The following SPATA32 variants were observed in gnomAD, a reference collection of about 807,000 sequenced individuals.
SPATA32 encodes spermatogenesis-associated protein 32.
In SPATA32, 28 loss-of-function variants were observed where a neutral mutation model predicts 35.4. That is an observed-to-expected ratio of 0.79 (90% confidence interval 0.59 to 1.09). The LOEUF is 1.09. Among genes scored for constraint, SPATA32 ranks in the 50% least tolerant of loss-of-function variants. The probability of loss-of-function intolerance (pLI) is 0.00; values close to 1 mark genes in which losing one functional copy is unlikely to be tolerated. For synonymous variants in SPATA32, 168 were observed against 196.3 expected, an observed-to-expected ratio of 0.86 and a Z score of 1.20; for missense variants, 409 against 475.9, an observed-to-expected ratio of 0.86 and a Z score of 1.31.
rs768143389 is a variant in SPATA32, at chr17:45,255,526, G to C, written c.656C>G (p.Thr219Arg). 1 of 1,614,150 alleles carries C rather than the reference G, an allele frequency of 6.2e-7. No individual in the cohort carries two copies. Among genetic ancestry groups the C allele is most frequent in the South Asian group, 1.1e-5 (1 of 91,086 alleles). Residue 219 changes from threonine to arginine, a missense_variant, in exon 4 of 5, where the codon ACA (threonine) becomes AGA (arginine). By Grantham distance (71) the Thr-to-Arg change is moderately conservative. Transcript: ENST00000331780. This position sits in a 1 kb window ranked among gnomAD's most constrained non-coding sequence, Gnocchi z 5.4. Reference protein sequence around the residue: ...IPDAHSAPPTTSSQAPSPLLS... With the variant: ...IPDAHSAPPTRSSQAPSPLLS... ...GAGGGGGCTTGGTGCCTGGGAGCTT[G>C]TGGTTGGAGGAGCTGAGTGGGCATC... is the stretch of plus-strand genomic sequence containing the variant.
Position 45,255,494 on chromosome 17 carries a change from A to G in SPATA32, c.688T>C (p.Ser230Pro). The change falls in exon 4 of 5, where the codon TCA becomes CCA. Residue 230 changes from serine (S) to proline (P), a missense_variant. Coordinates refer to ENST00000331780, the MANE Select transcript of SPATA32 (RefSeq NM_152343.3). The surrounding 1 kb of genome is among the most constrained non-coding windows in gnomAD (Gnocchi z 5.4). ...SSQAPSPLLS[S>P]DLPPPIDLTE... is the part of the protein sequence containing the mutation. The stretch of plus-strand genomic sequence containing the variant: ...AGGTCAATGGGTGGCGGGAGATCTG[A>G]GGACAGGAGGGGGCTTGGTGCCTGG... 6.2e-7 allele frequency: 1 copy of G among 1,614,104 alleles called. No homozygotes were observed. The highest frequency in any genetic ancestry group is 8.5e-7 in the Non-Finnish European group (1 of 1,180,008).
At chr17:45,260,359 G>A (rs759719581) in intron 1 of SPATA32, among the ~76,000 whole-genome samples, 26 of 151,776 alleles carry the variant, frequency 1.7e-4, no homozygotes, top group Non-Finnish European at 2.9e-4. Flanking sequence ...CACTCTCCTC[G>A]CCCTATTCAT....
In SPATA32 at chr17:45,257,124, G is replaced by A. The variant is rs753118865; in HGVS notation, c.68+29C>T. The A allele has an allele frequency of 9.9e-6, 16 of 1,609,768 alleles. No homozygotes were observed. In the Admixed American group the frequency reaches 2.7e-4, roughly 27 times the overall value. The stretch of plus-strand genomic sequence containing the variant: ...GGAGGTCCTGGAGGGCTCGGGGGAG[G>A]CCCTACGTTGATTGAGGATGGTTCT... On this transcript the variant is annotated intron_variant, in intron 2 of 4. Transcript: ENST00000331780.
intron 1 of SPATA32, among the ~76,000 whole-genome samples, chr17:45,260,383 A>T (rs977056623): frequency 1.3e-5 from 2 of 151,312 alleles, no homozygotes; most frequent in Admixed American, 6.6e-5. Context: ...TCATCCTTTC[A>T]CCCAAATGAG....
At chr17:45,261,923 C>T (rs748405979) in intron 1 of SPATA32, 81 bp downstream of exon 1, 172 of 1,263,226 alleles carry the variant, frequency 1.4e-4, no homozygotes, top group Non-Finnish European at 1.7e-4. Flanking sequence ...TCCTGACCGC[C>T]CCCTTCGCGC....
chr17:45,261,979 C>A (rs746601213), intron 1 of SPATA32, 25 bp downstream of exon 1: 1 of 1,312,120 alleles, frequency 7.6e-7, no homozygotes, highest in Admixed American at 3.1e-5. Flanking sequence ...CCAACCCTCG[C>A]CCCCGGGCGC....
At chr17:45,254,733 T>A (rs1439647807) in intron 4 of SPATA32, among the ~76,000 whole-genome samples, 1 of 152,222 alleles carries the variant, frequency 6.6e-6, no homozygotes, top group Non-Finnish European at 1.5e-5. Flanking sequence ...AAAAGTGTCC[T>A]GGACCCCAGG....
At chr17:45,259,184 G>A (rs2043983261) in intron 1 of SPATA32, among the ~76,000 whole-genome samples, 1 of 152,260 alleles carries the variant, frequency 6.6e-6, no homozygotes. Flanking sequence ...ACAATGTTGA[G>A]TAGGAGTGCG....
Position 45,258,531 on chromosome 17 carries a change from G to A in SPATA32, c.14-1324C>T, listed in dbSNP as rs80264897. ...TGTGTGAGCCTCTTAACAGCACTGG[G>A]GGCTGGGAGAAAAAGTCAGACATTG... is the stretch of plus-strand genomic sequence containing the variant. On this transcript the variant is annotated intron_variant, in intron 1 of 4. Coordinates refer to ENST00000331780, the MANE Select transcript of SPATA32 (RefSeq NM_152343.3). Among the ~76,000 whole-genome samples, 570 of 152,328 alleles carry A rather than the reference G, an allele frequency of 3.7e-3. 5 individuals are homozygous for A. Among genetic ancestry groups the A allele is most frequent in the African/African-American group, 0.013 (546 of 41,564 alleles).
At chr17:45,261,747 CT>C (rs1425271964) in intron 1 of SPATA32, 8 of 398,404 alleles carry the variant, frequency 2.0e-5, no homozygotes, top group Non-Finnish European at 3.5e-5. Flanking sequence ...TCTGCAGTCC[CT>C]ACTCCAAGGC....
At chr17:45,259,262 C>T (rs1415733171) in intron 1 of SPATA32, among the ~76,000 whole-genome samples, 1 of 152,112 alleles carries the variant, frequency 6.6e-6, no homozygotes, top group Non-Finnish European at 1.5e-5. Flanking sequence ...AAGGATGATG[C>T]TAGCTGTAGG....
intron 4 of SPATA32, 142 bp downstream of exon 4, chr17:45,254,973 T>C (rs2043941536): frequency 2.6e-6 from 2 of 782,840 alleles, no homozygotes; most frequent in Admixed American, 5.5e-5. Context: ...ATGAGGTCAC[T>C]GAGGTGGAGG....
Position 45,255,542 on chromosome 17 carries a change from A to T in SPATA32, c.640T>A (p.Ser214Thr), listed in dbSNP as rs1337888889. Residue 214 changes from serine (S) to threonine (T), a missense_variant, in exon 4 of 5, where the codon TCA (serine) becomes ACA (threonine). By Grantham distance (58) the Ser-to-Thr change is moderately conservative. Transcript: ENST00000331780. This position sits in a 1 kb window ranked among gnomAD's most constrained non-coding sequence, Gnocchi z 5.4. ...TGGGAGCTTGTGGTTGGAGGAGCTGAGTGGGCATCAGGGATCTGGAGCTGC... is the reference window on the plus strand; with the variant it reads ...TGGGAGCTTGTGGTTGGAGGAGCTGTGTGGGCATCAGGGATCTGGAGCTGC... Reference protein sequence around the residue: ...EEQLQIPDAHSAPPTTSSQAP... With the variant: ...EEQLQIPDAHTAPPTTSSQAP... The T allele has an allele frequency of 6.2e-7, 1 of 1,614,034 alleles. No homozygotes were observed. Among genetic ancestry groups the T allele is most frequent in the Non-Finnish European group, 8.5e-7 (1 of 1,179,994 alleles).
At position 45,255,729 on chromosome 17, in the gene SPATA32, C is replaced by T. The variant is rs144068330; in HGVS notation, c.453G>A (p.Ala151=). The T allele has an allele frequency of 8.6e-5, 138 of 1,613,982 alleles. No individual in the cohort carries two copies. The African/African-American group carries it at 1.2e-3, about 14-fold the overall frequency. ...HVSACHHSIS[A]QTSKHLFWAN... is the part of the protein sequence containing the mutation. ...CCCAGAAGAGGTGCTTGGAGGTCTG[C>T]GCACTGATGGAGTGATGGCAGGCAG... Residue 151 remains alanine (A), a synonymous_variant, in exon 4 of 5, where the codon GCG becomes GCA. Coordinates refer to ENST00000331780, the MANE Select transcript of SPATA32 (RefSeq NM_152343.3). This position sits in a 1 kb window ranked among gnomAD's most constrained non-coding sequence, Gnocchi z 5.4.
At chr17:45,257,371 T>C (rs1680962082) in intron 1 of SPATA32, among the ~76,000 whole-genome samples, 164 bp from the exon 2 acceptor site, 1 of 152,022 alleles carries the variant, frequency 6.6e-6, no homozygotes, top group Non-Finnish European at 1.5e-5. Flanking sequence ...CCGGTCGCCA[T>C]TCCTATCCTC....
chr17:45,257,608 A>G (rs2043970151), intron 1 of SPATA32, among the ~76,000 whole-genome samples: 1 of 152,172 alleles, frequency 6.6e-6, no homozygotes, highest in South Asian at 2.1e-4. Context: ...GATGACTTGA[A>G]TGCAGGCTTG....
Position 45,256,008 on chromosome 17 carries a change from T to G in SPATA32, c.174A>C (p.Pro58=). The change falls in exon 4 of 5, where the codon CCA becomes CCC. Residue 58 remains proline, a synonymous_variant. Transcript: ENST00000331780. The surrounding 1 kb of genome is among the most constrained non-coding windows in gnomAD (Gnocchi z 4.7). The part of the protein sequence containing the change: ...LQVDLDLDPD[P]DPDPELEIGQ... ...CGATCTCCAGTTCTGGGTCTGGGTC[T>G]GGGTCTGGGTCCAGGTCCAGGTCCA... The G allele has an allele frequency of 6.2e-7, 1 of 1,613,934 alleles. No individual in the cohort carries two copies. Among genetic ancestry groups the G allele is most frequent in the Non-Finnish European group, 8.5e-7 (1 of 1,179,968 alleles).
chr17:45,254,527 G>A lies in SPATA32; in HGVS notation c.1068-14C>T, dbSNP rs377281596. On this transcript the variant is annotated splice_polypyrimidine_tract_variant and intron_variant, in intron 4 of 4. Transcript: ENST00000331780. Reference sequence around the variant, plus strand: ...GGCGGCACTGAGCTGCAACACAAAAGAGAGAGTGTCACTTGGGCCCCAGAG... The same window carrying A: ...GGCGGCACTGAGCTGCAACACAAAAAAGAGAGTGTCACTTGGGCCCCAGAG... 6 of 1,613,562 alleles carry A rather than the reference G, an allele frequency of 3.7e-6. No homozygotes were observed. The African/African-American group carries it at 8.0e-5, about 22-fold the overall frequency.
At position 45,262,049 on chromosome 17, in the gene SPATA32, C is replaced by A; in HGVS notation, c.-33G>T. On this transcript the variant is annotated 5_prime_UTR_variant, in exon 1 of 5. Transcript: ENST00000331780. The stretch of plus-strand genomic sequence containing the variant: ...GAGGCTCTGTCCTGGAGGCGGGGAG[C>A]GGGCTGGTGGATGCTGCCTCTCCGC... 2 of 1,310,722 alleles carry A rather than the reference C, an allele frequency of 1.5e-6. No individual in the cohort carries two copies. The highest frequency in any genetic ancestry group is 9.8e-7 in the Non-Finnish European group (1 of 1,021,166). The allele number at this position is 1,310,722 out of a possible 1,614,324, so 81.2% of individuals were successfully genotyped here.
Sources: allele counts gnomAD v4.1 joint callset (sites outside exome capture counted in the v4.1 genomes callset), GRCh38; gene constraint gnomAD v4.1.1; non-coding constraint Gnocchi (gnomAD v3.1); transcripts MANE v1.5; gene names NCBI Gene and HGNC (gene_info 2026-07-23, HGNC 2026-07-21).